DCC: variants seen among roughly 807,000 people sequenced by gnomAD.
DCC encodes netrin receptor DCC.
A neutral mutation model predicts 172.5 loss-of-function variants in DCC; 58 were observed. The ratio of observed to expected loss-of-function variants is 0.34; its 90% CI spans 0.27 to 0.42. DCC has a LOEUF of 0.42. DCC is among the 10% of genes least tolerant of loss of function. DCC has a pLI of 1.00. For synonymous variants in DCC, 709 were observed against 644.5 expected, an observed-to-expected ratio of 1.10 and a Z score of -1.52; for missense variants, 1,740 against 1,791.0, an observed-to-expected ratio of 0.97 and a Z score of 0.51.
At chr18:52,887,564 C>T (rs1025462997) in intron 2 of DCC, among the ~76,000 whole-genome samples, 4 of 152,196 alleles carry the variant, frequency 2.6e-5, no homozygotes, top group Admixed American at 6.5e-5. Context: ...CACTTCCCCT[C>T]TTATTCATTA....
chr18:53,463,191 G>A (rs1202517823), intron 24 of DCC, among the ~76,000 whole-genome samples: 1 of 152,188 alleles, frequency 6.6e-6, no homozygotes, highest in African/African-American at 2.4e-5. Context: ...AGGAGGTTTT[G>A]CCAATGACTT....
intron 5 of DCC, among the ~76,000 whole-genome samples, chr18:53,029,708 CT>C (rs1267986588): frequency 3.9e-5 from 6 of 152,106 alleles, no homozygotes; most frequent in Non-Finnish European, 2.9e-5. Flanking sequence ...CCACAAAACC[CT>C]ATCCTATCAT....
chr18:52,764,261 G>A (rs1192212265), intron 2 of DCC, among the ~76,000 whole-genome samples: 7 of 152,196 alleles, frequency 4.6e-5, no homozygotes, highest in African/African-American at 1.2e-4. Flanking sequence ...GAATAGTGAC[G>A]AGTTGACACT....
intron 15 of DCC, among the ~76,000 whole-genome samples, chr18:53,385,380 G>A (rs907479003): frequency 6.6e-6 from 1 of 152,166 alleles, no homozygotes; most frequent in Non-Finnish European, 1.5e-5. Flanking sequence ...ACGAAAGCTT[G>A]CCAGCTCTGG....
intron 2 of DCC, among the ~76,000 whole-genome samples, chr18:52,812,770 G>GCT (rs1449190824): frequency 6.6e-6 from 1 of 152,192 alleles, no homozygotes; most frequent in Non-Finnish European, 1.5e-5. Context: ...TGTACTTGCT[G>GCT]CTCATTGTGC....
At chr18:53,435,382 A>G (rs997410963) in intron 22 of DCC, among the ~76,000 whole-genome samples, 173 bp downstream of exon 22, 14 of 152,152 alleles carry the variant, frequency 9.2e-5, no homozygotes, top group Non-Finnish European at 1.5e-5. Flanking sequence ...AAACAAAAAA[A>G]ACAAAAAACT....
At chr18:52,846,268 A>G (rs950318810) in intron 2 of DCC, among the ~76,000 whole-genome samples, 3 of 152,172 alleles carry the variant, frequency 2.0e-5, no homozygotes, top group Non-Finnish European at 4.4e-5. Flanking sequence ...TCAGCCAGGC[A>G]TGGTGGCACA....
chr18:52,355,964 GA>G (rs1476356739), intron 1 of DCC, among the ~76,000 whole-genome samples: 1 of 151,624 alleles, frequency 6.6e-6, no homozygotes, highest in Admixed American at 6.6e-5. Flanking sequence ...AGACAAAAAA[GA>G]AAAAAAATGA....
At chr18:53,211,383 C>A (rs1182450601) in intron 11 of DCC, among the ~76,000 whole-genome samples, 2 of 152,140 alleles carry the variant, frequency 1.3e-5, no homozygotes, top group African/African-American at 4.8e-5. Flanking sequence ...AAACATGTTT[C>A]TTTTATTCTA....
intron 1 of DCC, among the ~76,000 whole-genome samples, chr18:52,444,933 T>G (rs1988075995): frequency 1.3e-5 from 2 of 152,200 alleles, no homozygotes; most frequent in African/African-American, 2.4e-5. Context: ...GATCACTATA[T>G]AATTCAAAAA....
intron 5 of DCC, among the ~76,000 whole-genome samples, chr18:52,976,615 T>A (rs1174239594): frequency 6.6e-6 from 1 of 152,210 alleles, no homozygotes; most frequent in Non-Finnish European, 1.5e-5. Flanking sequence ...ACAAATGTAA[T>A]CTCTCCCTTT....
intron 13 of DCC, among the ~76,000 whole-genome samples, chr18:53,311,126 A>T (rs535254625): frequency 0.031 from 3,288 of 105,292 alleles, 129 homozygotes; most frequent in African/African-American, 0.12. Flanking sequence ...TATTTTATTT[A>T]TTTATTTTTT....
intron 1 of DCC, among the ~76,000 whole-genome samples, chr18:52,387,158 C>T (rs1283160355): frequency 6.6e-6 from 1 of 152,152 alleles, no homozygotes; most frequent in Non-Finnish European, 1.5e-5. Flanking sequence ...ATGGCAACAA[C>T]TATTGATCAT....
In DCC at chr18:52,934,181, C is replaced by A. The variant is rs12963047; in HGVS notation, c.985+8811C>A. Reference sequence around the variant, plus strand: ...TACGTAGTTCTCATGAATTATGGCGCGATTGATATAACAATATCTAGTGAT... The same window carrying A: ...TACGTAGTTCTCATGAATTATGGCGAGATTGATATAACAATATCTAGTGAT... On this transcript the variant is annotated intron_variant, in intron 5 of 28. Transcript: ENST00000442544. 2.0e-5 allele frequency among the ~76,000 whole-genome samples: 3 copies of A among 151,562 alleles called. No individual in the cohort carries two copies. The South Asian group carries it at 6.2e-4, about 31-fold the overall frequency.
chr18:52,831,787 T>C (rs1355861026), intron 2 of DCC, among the ~76,000 whole-genome samples: 1 of 152,098 alleles, frequency 6.6e-6, no homozygotes, highest in African/African-American at 2.4e-5. Context: ...AATGTGGATT[T>C]AGGATGGAAA....
rs551461814 is a variant in DCC, at chr18:52,459,321, G to T, written c.91+118443G>T. On this transcript the variant is annotated intron_variant, in intron 1 of 28. Coordinates refer to ENST00000442544, the MANE Select transcript of DCC (RefSeq NM_005215.4). ...CAGGTACTAAGTCTAGTACCCAACA[G>T]TTATTTTTTCTGATCCTCTTCCTCC... Among the ~76,000 whole-genome samples, 8 of 152,192 alleles carry T rather than the reference G, an allele frequency of 5.3e-5. No homozygotes were observed. The East Asian group carries it at 1.5e-3, about 29-fold the overall frequency.
chr18:52,346,641 T>C (rs1036723502), intron 1 of DCC, among the ~76,000 whole-genome samples: 2 of 152,186 alleles, frequency 1.3e-5, no homozygotes, highest in Admixed American at 1.3e-4. Flanking sequence ...GTAATACCAG[T>C]GCATATTGCT....
At chr18:52,605,985 T>C (rs1449809831) in intron 1 of DCC, among the ~76,000 whole-genome samples, 1 of 152,108 alleles carries the variant, frequency 6.6e-6, no homozygotes, top group Non-Finnish European at 1.5e-5. Context: ...ATTTGCATAC[T>C]ACAAAGAATG....
intron 5 of DCC, among the ~76,000 whole-genome samples, chr18:52,929,343 T>A (rs2040267747): frequency 1.3e-5 from 2 of 149,760 alleles, no homozygotes; most frequent in African/African-American, 4.8e-5. Flanking sequence ...TTCATCGTTT[T>A]TTATTATTTA....
Sources: gnomAD v4.1 joint callset for allele counts (sites outside exome capture counted in the v4.1 genomes callset) on GRCh38, gnomAD v4.1.1 for gene constraint, MANE v1.5 for transcripts, NCBI Gene and HGNC (gene_info 2026-07-23, HGNC 2026-07-21) for gene names.